The following PLSCR1 variants were observed in gnomAD, a reference collection of about 807,000 sequenced individuals.
PLSCR1 encodes PL scramblase 1.
In PLSCR1, 17 loss-of-function variants were observed where a neutral mutation model predicts 37.8. That is an observed-to-expected ratio of 0.45 (90% CI 0.31 to 0.68). The LOEUF (loss-of-function observed/expected upper bound fraction) is 0.68. Ranked by LOEUF, PLSCR1 falls within the 30% of genes least tolerant of loss-of-function variation. The pLI, the probability that PLSCR1 is intolerant of heterozygous loss-of-function variation, is 0.06. For synonymous variants in PLSCR1, 116 were observed against 125.9 expected (o/e 0.92, Z 0.53); for missense variants, 347 against 380.9 (o/e 0.91, Z 0.74).
chr3:146,527,135 T>TA (rs960006625), intron 4 of PLSCR1, among the ~76,000 whole-genome samples: 16 of 147,266 alleles, frequency 1.1e-4, no homozygotes, highest in African/African-American at 2.5e-4. Flanking sequence ...AGACTCCATC[T>TA]AAAAAAAAAA....
chr3:146,523,713 C>T (rs1392871706), intron 5 of PLSCR1, among the ~76,000 whole-genome samples: 9 of 152,172 alleles, frequency 5.9e-5, no homozygotes, highest in Non-Finnish European at 1.3e-4. Flanking sequence ...GAACTCTGCA[C>T]CTTTGCTGGG....
intron 3 of PLSCR1, 46 bp from the exon 4 acceptor site, chr3:146,528,877 G>T: frequency 2.1e-6 from 3 of 1,448,602 alleles, no homozygotes; most frequent in Non-Finnish European, 2.9e-6. Flanking sequence ...ACCAAAAATG[G>T]AATTGTCAAC....
At chr3:146,523,269 T>C (rs1167928084) in intron 5 of PLSCR1, among the ~76,000 whole-genome samples, 2 of 152,238 alleles carry the variant, frequency 1.3e-5, no homozygotes, top group Admixed American at 6.5e-5. Flanking sequence ...ATTTTCCTAA[T>C]TCCATAAATG....
chr3:146,528,821 TC>T lies in PLSCR1; in HGVS notation c.104del (p.Gly35AspfsTer59), dbSNP rs749537219. On this transcript the variant is annotated frameshift_variant, in exon 4 of 9. Transcript: ENST00000342435. LOFTEE classifies it high-confidence loss of function. Reference sequence around the variant, plus strand: ...CCTGGGGCCCAGGGTAGCCACTATATCCTGGAGGTCCTGAAATACAAACAAG... The same window carrying T: ...CCTGGGGCCCAGGGTAGCCACTATATCTGGAGGTCCTGAAATACAAACAAG... ...YPPTAFQGPP[G>X]YSGYPGPQVS... 3 of 1,609,602 alleles carry T rather than the reference TC, an allele frequency of 1.9e-6. No individual in the cohort carries two copies. The highest frequency in any genetic ancestry group is 1.7e-6 in the Non-Finnish European group (2 of 1,178,084).
At chr3:146,518,000 C>T (rs940772338) in intron 7 of PLSCR1, among the ~76,000 whole-genome samples, 9 of 152,156 alleles carry the variant, frequency 5.9e-5, no homozygotes, top group Admixed American at 5.9e-4. Flanking sequence ...TCTAAAAATA[C>T]TTGACTCATT....
intron 3 of PLSCR1, among the ~76,000 whole-genome samples, chr3:146,530,594 G>A (rs2044183521): frequency 6.6e-6 from 1 of 152,180 alleles, no homozygotes; most frequent in South Asian, 2.1e-4. Context: ...TCTAAAAGAT[G>A]AGAAGAGAAA....
chr3:146,526,183 C>CAAAAAAAAAAAAAAAAAAAAGAAAAA (rs2044107623), intron 4 of PLSCR1, among the ~76,000 whole-genome samples: 1 of 42,822 alleles, frequency 2.3e-5, no homozygotes, highest in Non-Finnish European at 4.1e-5. Flanking sequence ...GACTCCATCT[C>CAAAAAAAAAAAAAAAAAAAAGAAAAA]AAAAAAAAAA....
chr3:146,518,752 A>G (rs150089625), intron 7 of PLSCR1, among the ~76,000 whole-genome samples: 55 of 152,312 alleles, frequency 3.6e-4, no homozygotes, highest in African/African-American at 1.3e-3. Context: ...AATGCAAATA[A>G]TGATCTTCAA....
intron 1 of PLSCR1, among the ~76,000 whole-genome samples, chr3:146,539,926 T>C (rs2044315735): frequency 6.6e-6 from 1 of 152,242 alleles, no homozygotes; most frequent in African/African-American, 2.4e-5. Flanking sequence ...ACTATGTGGA[T>C]GCCTACATTC....
chr3:146,534,477 TG>T, intron 2 of PLSCR1, among the ~76,000 whole-genome samples: 2 of 152,352 alleles, frequency 1.3e-5, no homozygotes, highest in Middle Eastern at 6.8e-3. Flanking sequence ...CACATTTTTC[TG>T]TATGTGTCTC....
In PLSCR1 at chr3:146,515,484, T is replaced by C. The variant is rs956954212; in HGVS notation, c.*561A>G. On this transcript the variant is annotated 3_prime_UTR_variant, in exon 9 of 9. Coordinates refer to ENST00000342435, the MANE Select transcript of PLSCR1 (RefSeq NM_021105.3). ...TTGGTAATTTAATATCTTGTGAATA[T>C]GAAAATATTATGGTATAGATTAGCT... is the stretch of plus-strand genomic sequence containing the variant. The C allele has an allele frequency of 9.2e-5, 14 of 151,992 alleles. No homozygotes were observed. Among genetic ancestry groups the C allele is most frequent in the Non-Finnish European group, 7.4e-5 (5 of 67,970 alleles). The allele number at this position is 151,992 out of a possible 1,614,324, so 9.4% of individuals were successfully genotyped here.
At chr3:146,532,897 A>C (rs1360845643) in intron 3 of PLSCR1, among the ~76,000 whole-genome samples, 1 of 152,214 alleles carries the variant, frequency 6.6e-6, no homozygotes, top group Non-Finnish European at 1.5e-5. Context: ...TACTTTTCTT[A>C]GAAATACAGG....
intron 3 of PLSCR1, among the ~76,000 whole-genome samples, chr3:146,532,634 A>G (rs1441042112): frequency 6.6e-6 from 1 of 152,216 alleles, no homozygotes; most frequent in Non-Finnish European, 1.5e-5. Flanking sequence ...TTGTTTACTC[A>G]GAGAAGAAAA....
chr3:146,517,144 A>C lies in PLSCR1; in HGVS notation c.762T>G (p.Cys254Trp). 1 of 1,562,058 alleles carries C rather than the reference A, an allele frequency of 6.4e-7. No individual in the cohort carries two copies. Among genetic ancestry groups the C allele is most frequent in the Middle Eastern group, 1.7e-4 (1 of 5,908 alleles). Residue 254 changes from cysteine to tryptophan, a missense_variant, in exon 8 of 9, where the codon TGT becomes TGG. Coordinates refer to ENST00000342435, the MANE Select transcript of PLSCR1 (RefSeq NM_021105.3). ...DFEIKSLDEQ[C>W]VVGKISKHWT... is the part of the protein sequence containing the mutation. ...AGTGCTTGGAAATTTTGCCAACCAC[A>C]CACTGTTCATCAAGAGATTTAATCT...
intron 2 of PLSCR1, among the ~76,000 whole-genome samples, chr3:146,534,657 C>A (rs891236939): frequency 6.6e-6 from 1 of 151,954 alleles, no homozygotes; most frequent in African/African-American, 2.4e-5. Context: ...GCAAAAAAAC[C>A]GCTCTCCTAC....
At position 146,536,530 on chromosome 3, in the gene PLSCR1, A is replaced by C. The variant is rs374800226; in HGVS notation, c.13+10T>G. ...AGGAGGAAAGTAAACATTTAAAATA[A>C]ATTACTTACTTTGTTTGTCCATGAT... On this transcript the variant is annotated intron_variant, in intron 2 of 8. Transcript: ENST00000342435. The C allele has an allele frequency of 1.7e-4, 226 of 1,330,862 alleles. No individual in the cohort carries two copies. The highest frequency in any genetic ancestry group is 2.4e-4 in the Non-Finnish European group (222 of 922,184). 82.4% of individuals were successfully genotyped at this position (1,330,862 alleles called of 1,614,324 possible).
chr3:146,535,810 G>C (rs771600532), intron 2 of PLSCR1, among the ~76,000 whole-genome samples: 8 of 152,124 alleles, frequency 5.3e-5, no homozygotes, highest in Non-Finnish European at 7.4e-5. Flanking sequence ...AAGGAGTCTA[G>C]TCCTGGAGAT....
At chr3:146,539,998 T>C (rs1436911600) in intron 1 of PLSCR1, among the ~76,000 whole-genome samples, 1 of 152,150 alleles carries the variant, frequency 6.6e-6, no homozygotes, top group Admixed American at 6.5e-5. Flanking sequence ...TTCCCAGAAA[T>C]ACATCACTCA....
intron 1 of PLSCR1, among the ~76,000 whole-genome samples, chr3:146,537,776 G>A (rs967134601): frequency 1.3e-5 from 2 of 152,074 alleles, no homozygotes; most frequent in Admixed American, 6.6e-5. Flanking sequence ...AGGTTGAGGT[G>A]GGAGGATTGC....
Sources: gnomAD v4.1 joint callset for allele counts (sites outside exome capture counted in the v4.1 genomes callset) on GRCh38, gnomAD v4.1.1 for gene constraint, MANE v1.5 for transcripts, NCBI Gene and HGNC (gene_info 2026-07-23, HGNC 2026-07-21) for gene names.